Variants in DIPK2A observed in about 807,000 individuals in gnomAD.
DIPK2A encodes the protein Golgi Protein of 49 kDa.
A neutral mutation model predicts 39.0 loss-of-function variants in DIPK2A; 27 were observed. The observed-to-expected ratio is 0.69, with a 90% CI of 0.51 to 0.96. The LOEUF is 0.96. DIPK2A is among the 40% of genes least tolerant of loss of function. DIPK2A has a pLI of 0.00. For synonymous variants in DIPK2A, 298 were observed against 240.8 expected (o/e 1.24, Z -2.20); for missense variants, 528 against 571.3 (o/e 0.92, Z 0.77).
intron 1 of DIPK2A, among the ~76,000 whole-genome samples, chr3:143,982,126 TGC>T (rs1267529077): frequency 2.0e-5 from 3 of 152,256 alleles, no homozygotes; most frequent in African/African-American, 7.2e-5. Context: ...TGCTTGTGGA[TGC>T]TCTCTACGTT....
rs909964513 is a variant in DIPK2A at position 143,991,987 on chromosome 3, C to T, written c.*2146C>T. 2.0e-5 allele frequency: 3 copies of T among 152,420 alleles called. No individual in the cohort carries two copies. Among genetic ancestry groups the T allele is most frequent in the Non-Finnish European group, 4.4e-5 (3 of 68,000 alleles). 9.4% of individuals were successfully genotyped at this position (152,420 alleles called of 1,614,324 possible). ...GGTAGTTTTTTACAACTACCATTTCCCCTCCATGAAATTATGTGAAATTTA... is the reference window on the plus strand; with the variant it reads ...GGTAGTTTTTTACAACTACCATTTCTCCTCCATGAAATTATGTGAAATTTA... On this transcript the variant is annotated 3_prime_UTR_variant, in exon 3 of 3. Coordinates refer to ENST00000315691, the MANE Select transcript of DIPK2A (RefSeq NM_173552.5).
intron 1 of DIPK2A, chr3:143,978,647 T>TAG (rs1428975017): frequency 1.1e-3 from 49 of 42,734 alleles, no homozygotes; most frequent in South Asian, 2.0e-3. Flanking sequence ...TATCTATATA[T>TAG]ATATATATAT....
intron 1 of DIPK2A, among the ~76,000 whole-genome samples, chr3:143,976,800 T>A (rs981284095): frequency 1.3e-5 from 2 of 152,102 alleles, no homozygotes; most frequent in African/African-American, 2.4e-5. Flanking sequence ...TGACTATCAT[T>A]AAGCTATGGT....
chr3:143,987,306 A>G (rs1290621669), intron 2 of DIPK2A, among the ~76,000 whole-genome samples: 2 of 152,200 alleles, frequency 1.3e-5, no homozygotes, highest in Non-Finnish European at 2.9e-5. Flanking sequence ...ATTTTTTATA[A>G]TTCATTTTAT....
intron 2 of DIPK2A, among the ~76,000 whole-genome samples, chr3:143,987,817 C>A (rs1292114059): frequency 6.6e-6 from 1 of 152,174 alleles, no homozygotes; most frequent in Non-Finnish European, 1.5e-5. Context: ...TCTATTCATT[C>A]CTTAGTCCAT....
intron 1 of DIPK2A, chr3:143,973,238 C>T (rs932667670): frequency 6.1e-6 from 7 of 1,149,836 alleles, no homozygotes; most frequent in Non-Finnish European, 8.8e-6. Flanking sequence ...GACTGTGGAT[C>T]TTTCAACGCC....
At chr3:143,978,452 C>G (rs1038280267) in intron 1 of DIPK2A, 1 of 152,196 alleles carries the variant, frequency 6.6e-6, no homozygotes, top group African/African-American at 2.4e-5. Context: ...ATTTTACAAT[C>G]TGTTACAAGG....
intron 1 of DIPK2A, among the ~76,000 whole-genome samples, chr3:143,981,719 C>G (rs1279315461): frequency 1.3e-5 from 2 of 151,530 alleles, no homozygotes; most frequent in East Asian, 3.9e-4. Context: ...CCAAAAAAAC[C>G]ACCCCAAACT....
Position 143,991,926 on chromosome 3 carries a change from A to G in DIPK2A, c.*2085A>G, listed in dbSNP as rs2087994303. ...GTGTGATTGCAATTGCAGAACAGAA[A>G]GTGAGAAAACACTGCCAGCGGTGAT... On this transcript the variant is annotated 3_prime_UTR_variant, in exon 3 of 3. Coordinates refer to ENST00000315691, the MANE Select transcript of DIPK2A (RefSeq NM_173552.5). The G allele has an allele frequency of 6.6e-6, 1 of 152,314 alleles. No homozygotes were observed. The highest frequency in any genetic ancestry group is 1.5e-5 in the Non-Finnish European group (1 of 68,020). 9.4% of individuals were successfully genotyped at this position (152,314 alleles called of 1,614,324 possible). A position where few individuals can be genotyped will look rare whatever the true frequency, so the allele number is the denominator to read the frequency against.
At chr3:143,983,837 T>C (rs1338569107) in intron 1 of DIPK2A, among the ~76,000 whole-genome samples, 1 of 144,642 alleles carries the variant, frequency 6.9e-6, no homozygotes, top group African/African-American at 2.9e-5. Flanking sequence ...TTGGGAAGGC[T>C]GTTTCATCTA....
At chr3:143,981,247 A>G (rs1369716097) in intron 1 of DIPK2A, among the ~76,000 whole-genome samples, 1 of 152,224 alleles carries the variant, frequency 6.6e-6, no homozygotes, top group South Asian at 2.1e-4. Context: ...AATCCTGAAC[A>G]TCAAGATTTT....
At chr3:143,984,564 A>G (rs1471885481) in intron 1 of DIPK2A, among the ~76,000 whole-genome samples, 4 of 151,810 alleles carry the variant, frequency 2.6e-5, no homozygotes, top group African/African-American at 9.7e-5. Context: ...ACACACATTT[A>G]TTGATTCCTT....
intron 2 of DIPK2A, among the ~76,000 whole-genome samples, chr3:143,987,125 T>A (rs2087914668): frequency 6.6e-6 from 1 of 152,192 alleles, no homozygotes; most frequent in Non-Finnish European, 1.5e-5. Context: ...GTGAACACCC[T>A]GCTGGAGTAT....
At chr3:143,986,137 A>G (rs1258634595) in intron 2 of DIPK2A, 1 of 301,874 alleles carries the variant, frequency 3.3e-6, no homozygotes, top group Non-Finnish European at 6.1e-6. Context: ...GAACACTTAC[A>G]TTAGTCTAAA....
intron 1 of DIPK2A, among the ~76,000 whole-genome samples, chr3:143,982,674 G>A (rs2087842580): frequency 6.6e-6 from 1 of 152,160 alleles, no homozygotes; most frequent in Admixed American, 6.5e-5. Flanking sequence ...TTGACACTAT[G>A]AAGAAACAGC....
At position 143,990,085 on chromosome 3, in the gene DIPK2A, C is replaced by T. The variant is rs896639217; in HGVS notation, c.*244C>T. 2.1e-6 allele frequency: 1 copy of T among 476,204 alleles called. No homozygotes were observed. Among genetic ancestry groups the T allele is most frequent in the African/African-American group, 1.9e-5 (1 of 51,784 alleles). The allele number at this position is 476,204 out of a possible 1,614,324, so 29.5% of individuals were successfully genotyped here. On this transcript the variant is annotated 3_prime_UTR_variant, in exon 3 of 3. Transcript: ENST00000315691. ...TTGAGCTGTCATCAGCTGCTCCCCA[C>T]TACCCCGGAATGCTTGAGTGGATTA...
chr3:143,983,941 ATTATC>A (rs1489025510), intron 1 of DIPK2A, among the ~76,000 whole-genome samples: 7 of 152,304 alleles, frequency 4.6e-5, no homozygotes, highest in African/African-American at 1.4e-4. Context: ...ACTTCCATTA[ATTATC>A]TTAGCTAGAT....
At chr3:143,977,053 C>T (rs994175384) in intron 1 of DIPK2A, among the ~76,000 whole-genome samples, 3 of 151,894 alleles carry the variant, frequency 2.0e-5, no homozygotes, top group Non-Finnish European at 4.4e-5. Context: ...TCCATTATTA[C>T]TTTGATATAA....
At chr3:143,978,689 T>TAG (rs1426761492) in intron 1 of DIPK2A, among the ~76,000 whole-genome samples, 59 of 134,734 alleles carry the variant, frequency 4.4e-4, no homozygotes, top group Admixed American at 1.2e-3. Context: ...TATCTATATA[T>TAG]ATATATATAT....
Sources: gnomAD v4.1 joint callset for allele counts (sites outside exome capture counted in the v4.1 genomes callset) on GRCh38, gnomAD v4.1.1 for gene constraint, MANE v1.5 for transcripts, NCBI Gene and HGNC (gene_info 2026-07-23, HGNC 2026-07-21) for gene names.